SOX5: variants seen among roughly 807,000 people sequenced by gnomAD.
The protein encoded by SOX5 is SRY-box transcription factor 5, also known as transcription factor SOX-5.
In SOX5, 9 loss-of-function variants were observed where a neutral mutation model predicts 92.0. The ratio of observed to expected loss-of-function variants is 0.10; its 90% CI spans 0.06 to 0.17. The LOEUF is 0.17. Among genes scored for constraint, SOX5 ranks in the 10% least tolerant of loss-of-function variants. The pLI, the probability that SOX5 is intolerant of heterozygous loss-of-function variation, is 1.00. For synonymous variants in SOX5, 344 were observed against 336.3 expected, an observed-to-expected ratio of 1.02 and a Z score of -0.25; for missense variants, 642 against 944.5, an observed-to-expected ratio of 0.68 and a Z score of 4.20.
chr12:24,284,746 T>G (rs2140446122), intron 2 of SOX5, among the ~76,000 whole-genome samples: 1 of 152,260 alleles, frequency 6.6e-6, no homozygotes, highest in East Asian at 1.9e-4. Flanking sequence ...GGTAGCAATT[T>G]TTTGCTGTTC....
intron 2 of SOX5, among the ~76,000 whole-genome samples, chr12:24,286,980 T>C (rs1565830020): frequency 6.6e-6 from 1 of 152,160 alleles, no homozygotes; most frequent in Non-Finnish European, 1.5e-5. Context: ...TACAGAACCA[T>C]CTGTCAGAGG....
intron 1 of SOX5, among the ~76,000 whole-genome samples, chr12:24,511,149 T>C (rs1486934274): frequency 6.6e-6 from 1 of 152,214 alleles, no homozygotes; most frequent in Non-Finnish European, 1.5e-5. Context: ...CTCCAGACCA[T>C]TCCACCTCCC....
chr12:24,124,177 T>A (rs1280089500), intron 4 of SOX5, among the ~76,000 whole-genome samples: 1 of 152,226 alleles, frequency 6.6e-6, no homozygotes, highest in African/African-American at 2.4e-5. Context: ...ACTTTGTACT[T>A]GTACTTCTCC....
chr12:24,349,995 GCATT>G (rs1953868177), intron 2 of SOX5, among the ~76,000 whole-genome samples: 1 of 152,044 alleles, frequency 6.6e-6, no homozygotes, highest in South Asian at 2.1e-4. Context: ...CTTTGCTCAT[GCATT>G]CATTTTCTTA....
intron 2 of SOX5, among the ~76,000 whole-genome samples, chr12:24,293,676 T>C (rs1464639219): frequency 1.3e-5 from 2 of 152,216 alleles, no homozygotes; most frequent in Non-Finnish European, 2.9e-5. Flanking sequence ...TATATCAATA[T>C]CAATATTGAC....
chr12:24,320,296 G>A (rs1203413669), intron 2 of SOX5, among the ~76,000 whole-genome samples: 1 of 152,112 alleles, frequency 6.6e-6, no homozygotes, highest in Non-Finnish European at 1.5e-5. Flanking sequence ...TTTAATATGA[G>A]TTTTCTCTCT....
At chr12:24,486,020 A>C (rs917477002) in intron 1 of SOX5, among the ~76,000 whole-genome samples, 1 of 152,132 alleles carries the variant, frequency 6.6e-6, no homozygotes, top group Non-Finnish European at 1.5e-5. Flanking sequence ...TGGTTCCATC[A>C]TAGTTCACTG....
intron 7 of SOX5, among the ~76,000 whole-genome samples, chr12:23,656,655 T>G (rs1375954727): frequency 6.6e-6 from 1 of 152,082 alleles, no homozygotes; most frequent in East Asian, 1.9e-4. Flanking sequence ...TATCCTCAGG[T>G]ATATGATATA....
intron 3 of SOX5, among the ~76,000 whole-genome samples, chr12:24,253,176 G>A (rs1012120360): frequency 2.6e-5 from 4 of 151,994 alleles, no homozygotes; most frequent in Non-Finnish European, 4.4e-5. Context: ...TTCCTGCCAA[G>A]CTGCTCAGAC....
At chr12:24,454,993 A>T (rs1942831246) in intron 1 of SOX5, among the ~76,000 whole-genome samples, 1 of 152,184 alleles carries the variant, frequency 6.6e-6, no homozygotes, top group South Asian at 2.1e-4. Context: ...AACTAAGGGG[A>T]TACAGAGCCT....
chr12:23,663,035 A>G (rs2083281592), intron 7 of SOX5, among the ~76,000 whole-genome samples: 1 of 152,108 alleles, frequency 6.6e-6, no homozygotes. Context: ...TAATGGCACA[A>G]TTTCTTCTCC....
intron 6 of SOX5, among the ~76,000 whole-genome samples, chr12:23,714,396 T>C (rs550882193): frequency 6.6e-6 from 1 of 152,114 alleles, no homozygotes; most frequent in East Asian, 1.9e-4. Flanking sequence ...CCGAGGCAGG[T>C]GGATAACTTG....
At chr12:23,683,397 A>G (rs1411573210) in intron 6 of SOX5, among the ~76,000 whole-genome samples, 1 of 151,950 alleles carries the variant, frequency 6.6e-6, no homozygotes, top group African/African-American at 2.4e-5. Flanking sequence ...TCTTGAATTA[A>G]TGCTATCTCA....
chr12:24,126,302 A>T (rs1949099672), intron 4 of SOX5, among the ~76,000 whole-genome samples: 1 of 152,020 alleles, frequency 6.6e-6, no homozygotes, highest in Non-Finnish European at 1.5e-5. Context: ...TCTACTCAAC[A>T]TCTCCATTAC....
At chr12:24,383,686 C>T (rs956917448) in intron 1 of SOX5, among the ~76,000 whole-genome samples, 2 of 152,146 alleles carry the variant, frequency 1.3e-5, no homozygotes, top group Non-Finnish European at 1.5e-5. Context: ...GTTCAAGAAA[C>T]CCTTATGGCA....
chr12:24,271,980 CAA>C (rs1491139596), intron 3 of SOX5, among the ~76,000 whole-genome samples: 45 of 60,672 alleles, frequency 7.4e-4, no homozygotes, highest in East Asian at 2.8e-3. Context: ...CACACACACA[CAA>C]ACACACACAC....
intron 2 of SOX5, among the ~76,000 whole-genome samples, chr12:23,851,622 T>G (rs2096634633): frequency 6.6e-6 from 1 of 152,122 alleles, no homozygotes; most frequent in Non-Finnish European, 1.5e-5. Flanking sequence ...TTTAAAGCCT[T>G]TCCTTTTGTC....
intron 4 of SOX5, among the ~76,000 whole-genome samples, chr12:24,049,625 C>T (rs1957358441): frequency 7.5e-6 from 1 of 133,518 alleles, no homozygotes; most frequent in African/African-American, 2.9e-5. Context: ...TTGATATTTT[C>T]CAATCCTTCA....
chr12:24,101,827 A>G (rs1014117010), intron 4 of SOX5, among the ~76,000 whole-genome samples: 27 of 152,174 alleles, frequency 1.8e-4, no homozygotes, highest in Non-Finnish European at 1.9e-4. Flanking sequence ...TACAAGAAAC[A>G]TGATGTGGAG....
Sources: gnomAD v4.1 joint callset for allele counts (sites outside exome capture counted in the v4.1 genomes callset) on GRCh38, gnomAD v4.1.1 for gene constraint, MANE v1.5 for transcripts, NCBI Gene and HGNC (gene_info 2026-07-23, HGNC 2026-07-21) for gene names.